The following CNTNAP2 variants were observed in gnomAD, a reference collection of about 807,000 sequenced individuals.
The protein encoded by CNTNAP2 is contactin-associated protein-like 2.
A neutral mutation model predicts 155.2 loss-of-function variants in CNTNAP2; 98 were observed. That is an observed-to-expected ratio of 0.63 (90% CI 0.54 to 0.75). The LOEUF (loss-of-function observed/expected upper bound fraction) is 0.75. Among genes scored for constraint, CNTNAP2 ranks in the 30% least tolerant of loss-of-function variants. The pLI, the probability that CNTNAP2 is intolerant of heterozygous loss-of-function variation, is 0.00. For synonymous variants in CNTNAP2, 651 were observed against 631.2 expected (o/e 1.03, Z -0.47); for missense variants, 1,727 against 1,688.1 (o/e 1.02, Z -0.40).
chr7:146,300,021 A>G (rs944619662), intron 1 of CNTNAP2, among the ~76,000 whole-genome samples: 7 of 152,194 alleles, frequency 4.6e-5, no homozygotes, highest in South Asian at 2.1e-4. Flanking sequence ...AATTTCATCA[A>G]TTGCGTTATG....
At chr7:146,190,388 C>T (rs747775236) in intron 1 of CNTNAP2, among the ~76,000 whole-genome samples, 8 of 152,136 alleles carry the variant, frequency 5.3e-5, no homozygotes, top group Non-Finnish European at 7.3e-5. Context: ...AAAGGATGCA[C>T]AAAGCTGTTT....
intron 1 of CNTNAP2, among the ~76,000 whole-genome samples, chr7:146,493,962 C>G (rs1037081152): frequency 1.3e-5 from 2 of 152,134 alleles, no homozygotes; most frequent in African/African-American, 4.8e-5. Context: ...TCTCAGATGT[C>G]ACCACTATAC....
intron 1 of CNTNAP2, chr7:146,311,858 T>C (rs1800830885): frequency 6.6e-6 from 1 of 151,504 alleles, no homozygotes; most frequent in African/African-American, 2.4e-5. Context: ...AGAAGGAAAG[T>C]AGAACATACA....
chr7:146,983,615 G>A (rs1295108201), intron 3 of CNTNAP2, among the ~76,000 whole-genome samples: 1 of 152,160 alleles, frequency 6.6e-6, no homozygotes, highest in African/African-American at 2.4e-5. Context: ...GAAAAGCAGA[G>A]TATGTATGGG....
intron 1 of CNTNAP2, among the ~76,000 whole-genome samples, chr7:146,649,927 G>A (rs1799878919): frequency 6.6e-6 from 1 of 152,110 alleles, no homozygotes; most frequent in Non-Finnish European, 1.5e-5. Context: ...CACCATCAGT[G>A]GTCATTAGAG....
intron 11 of CNTNAP2, among the ~76,000 whole-genome samples, chr7:147,549,131 T>C (rs189049112): frequency 3.3e-4 from 51 of 152,306 alleles, no homozygotes; most frequent in African/African-American, 1.2e-3. Flanking sequence ...TTTATAATTC[T>C]GTGAAGAATG....
intron 2 of CNTNAP2, among the ~76,000 whole-genome samples, chr7:146,808,787 G>A (rs1803012829): frequency 6.6e-6 from 1 of 152,162 alleles, no homozygotes; most frequent in Non-Finnish European, 1.5e-5. Context: ...TTATAAGTGA[G>A]ATTGATTGTA....
chr7:146,843,596 C>CAAAAAAAAAAA (rs10639255), intron 3 of CNTNAP2, among the ~76,000 whole-genome samples: 1 of 126,558 alleles, frequency 7.9e-6, no homozygotes, highest in Non-Finnish European at 1.6e-5. Context: ...CTTACTAATA[C>CAAAAAAAAAAA]AAAAAAAAAA....
chr7:147,368,098 AC>A (rs1353576505), intron 9 of CNTNAP2, among the ~76,000 whole-genome samples: 3 of 23,438 alleles, frequency 1.3e-4, no homozygotes, highest in Non-Finnish European at 4.2e-4. Flanking sequence ...TCTCTCTGTC[AC>A]ACACACACAC....
chr7:146,791,968 A>G (rs536451232), intron 2 of CNTNAP2, among the ~76,000 whole-genome samples: 2 of 152,306 alleles, frequency 1.3e-5, no homozygotes, highest in East Asian at 1.9e-4. Flanking sequence ...CTTAGTTGGA[A>G]TAGAAAAAAG....
At position 146,395,362 on chromosome 7, in the gene CNTNAP2, G is replaced by C. The variant is rs539313756; in HGVS notation, c.97+278389G>C. ...TTCACCAGAAGCAGAGGGAAGGGGAGCCATTTTATTATTCTTGATTTCAAA... is the reference window on the plus strand; with the variant it reads ...TTCACCAGAAGCAGAGGGAAGGGGACCCATTTTATTATTCTTGATTTCAAA... On this transcript the variant is annotated intron_variant, in intron 1 of 23. Transcript: ENST00000361727. Among the ~76,000 whole-genome samples the C allele has an allele frequency of 8.2e-3, 1,250 of 152,206 alleles. 14 individuals carry two copies. Among genetic ancestry groups the C allele is most frequent in the African/African-American group, 0.029 (1,193 of 41,532 alleles).
At chr7:146,319,328 A>G (rs1800961113) in intron 1 of CNTNAP2, among the ~76,000 whole-genome samples, 1 of 152,132 alleles carries the variant, frequency 6.6e-6, no homozygotes, top group African/African-American at 2.4e-5. Context: ...ACTTGTCATA[A>G]TTACACATTG....
chr7:147,946,328 G>A (rs1459074184), intron 14 of CNTNAP2, among the ~76,000 whole-genome samples: 2 of 151,902 alleles, frequency 1.3e-5, no homozygotes, highest in African/African-American at 2.4e-5. Context: ...CTTAAATCAT[G>A]GACAGAAAGC....
intron 17 of CNTNAP2, among the ~76,000 whole-genome samples, chr7:148,165,902 G>C (rs992178163): frequency 2.0e-5 from 3 of 152,158 alleles, no homozygotes; most frequent in Admixed American, 2.0e-4. Flanking sequence ...TCATGCAACA[G>C]CTTTGCTCTT....
At chr7:147,582,341 AT>A (rs1464719081) in intron 12 of CNTNAP2, among the ~76,000 whole-genome samples, 1 of 152,126 alleles carries the variant, frequency 6.6e-6, no homozygotes, top group African/African-American at 2.4e-5. Context: ...AAAATATGCC[AT>A]TTTTATGCCT....
intron 1 of CNTNAP2, among the ~76,000 whole-genome samples, chr7:146,687,062 A>T (rs1800613370): frequency 6.6e-6 from 1 of 152,156 alleles, no homozygotes; most frequent in Non-Finnish European, 1.5e-5. Flanking sequence ...TACCTGAGAG[A>T]TCACTATTAT....
intron 15 of CNTNAP2, among the ~76,000 whole-genome samples, chr7:148,089,667 C>G (rs1378570381): frequency 6.6e-6 from 1 of 151,616 alleles, no homozygotes; most frequent in Non-Finnish European, 1.5e-5. Flanking sequence ...AAAGATATCC[C>G]ATTTTCATGA....
intron 13 of CNTNAP2, among the ~76,000 whole-genome samples, chr7:147,639,526 G>T (rs1795240679): frequency 6.6e-6 from 1 of 152,228 alleles, no homozygotes; most frequent in Non-Finnish European, 1.5e-5. Context: ...TAAACTTACG[G>T]ATTTTTAAAT....
chr7:146,874,310 AAATT>A (rs1238759860), intron 3 of CNTNAP2, among the ~76,000 whole-genome samples: 4 of 152,072 alleles, frequency 2.6e-5, no homozygotes, highest in Admixed American at 6.6e-5. Flanking sequence ...TAAACAAAAG[AAATT>A]AATTCATGTT....
Sources: gnomAD v4.1 joint callset for allele counts (sites outside exome capture counted in the v4.1 genomes callset) on GRCh38, gnomAD v4.1.1 for gene constraint, MANE v1.5 for transcripts, NCBI Gene and HGNC (gene_info 2026-07-23, HGNC 2026-07-21) for gene names.